MDFIC2: variants seen among roughly 807,000 people sequenced by gnomAD.
MDFIC2 encodes MyoD family inhibitor domain containing 2.
At chr3:70,217,696 T>C (rs1369534162) in intron 2 of MDFIC2, among the ~76,000 whole-genome samples, 2 of 152,170 alleles carry the variant, frequency 1.3e-5, no homozygotes, top group African/African-American at 4.8e-5. Context: ...CTGAAATCTC[T>C]TGCATGATAT....
chr3:70,283,185 G>C (rs1702106097), intron 2 of MDFIC2, among the ~76,000 whole-genome samples: 1 of 152,106 alleles, frequency 6.6e-6, no homozygotes, highest in South Asian at 2.1e-4. Context: ...CCTGTGGCAG[G>C]AGATGCCAGT....
chr3:70,299,928 C>T (rs1225882952), intron 2 of MDFIC2, among the ~76,000 whole-genome samples: 1 of 152,046 alleles, frequency 6.6e-6, no homozygotes, highest in Non-Finnish European at 1.5e-5. Context: ...CTCCCACACA[C>T]GCCCTTTCTC....
intron 2 of MDFIC2, among the ~76,000 whole-genome samples, chr3:70,304,084 C>T (rs1702377211): frequency 6.6e-6 from 1 of 152,040 alleles, no homozygotes; most frequent in Non-Finnish European, 1.5e-5. Context: ...ATTGCAATCC[C>T]AAATGTCAAC....
chr3:70,225,900 G>A (rs530386107), intron 2 of MDFIC2, among the ~76,000 whole-genome samples: 2 of 152,268 alleles, frequency 1.3e-5, no homozygotes, highest in African/African-American at 4.8e-5. Flanking sequence ...TAAGAATTAT[G>A]TTATCAAATC....
At chr3:70,218,353 A>C (rs1041823318) in intron 2 of MDFIC2, among the ~76,000 whole-genome samples, 1 of 152,152 alleles carries the variant, frequency 6.6e-6, no homozygotes. Context: ...GCATATAGGC[A>C]TGCATTAGGT....
chr3:70,308,506 T>G (rs1159207225), intron 2 of MDFIC2, among the ~76,000 whole-genome samples: 2 of 152,202 alleles, frequency 1.3e-5, no homozygotes, highest in African/African-American at 4.8e-5. Flanking sequence ...CAGCTCTGGC[T>G]GTGGCTTTCC....
chr3:70,281,564 G>T (rs1345048843), intron 2 of MDFIC2, among the ~76,000 whole-genome samples: 2 of 152,066 alleles, frequency 1.3e-5, no homozygotes, highest in Non-Finnish European at 2.9e-5. Context: ...CAGGGTAAAA[G>T]CTCAAAACAA....
intron 2 of MDFIC2, among the ~76,000 whole-genome samples, chr3:70,273,394 T>A (rs1030393540): frequency 6.6e-6 from 1 of 152,226 alleles, no homozygotes; most frequent in African/African-American, 2.4e-5. Flanking sequence ...AAGGGAAGTC[T>A]TAAAAGCTTC....
intron 2 of MDFIC2, among the ~76,000 whole-genome samples, chr3:70,276,895 G>A (rs1430732406): frequency 6.6e-6 from 1 of 152,044 alleles, no homozygotes; most frequent in African/African-American, 2.4e-5. Flanking sequence ...ACTCCAGAAA[G>A]TTTATGTTCT....
intron 2 of MDFIC2, among the ~76,000 whole-genome samples, chr3:70,266,937 G>T (rs567159979): frequency 1.2e-4 from 18 of 152,280 alleles, no homozygotes; most frequent in African/African-American, 3.9e-4. Context: ...TTAGATTATT[G>T]GAAATTTGTT....
chr3:70,231,299 C>G (rs997030150), intron 2 of MDFIC2, among the ~76,000 whole-genome samples: 16 of 152,144 alleles, frequency 1.1e-4, no homozygotes, highest in African/African-American at 3.9e-4. Flanking sequence ...CGCTCCTGCC[C>G]CTGCCTTTTC....
At chr3:70,278,648 G>A (rs983138443) in intron 2 of MDFIC2, among the ~76,000 whole-genome samples, 1 of 152,082 alleles carries the variant, frequency 6.6e-6, no homozygotes, top group African/African-American at 2.4e-5. Context: ...TCTAGAATAT[G>A]TCTTTTATGT....
chr3:70,221,108 C>T (rs1272215885), intron 2 of MDFIC2, among the ~76,000 whole-genome samples: 1 of 151,996 alleles, frequency 6.6e-6, no homozygotes, highest in Non-Finnish European at 1.5e-5. Flanking sequence ...AATTTTCAGA[C>T]GTGAAGTTCT....
At chr3:70,291,004 A>G (rs984772347) in intron 2 of MDFIC2, among the ~76,000 whole-genome samples, 1 of 152,190 alleles carries the variant, frequency 6.6e-6, no homozygotes, top group Non-Finnish European at 1.5e-5. Context: ...ATGGAAATGC[A>G]GAAATCACCG....
At chr3:70,197,584 G>A (rs1474739980) in intron 3 of MDFIC2, among the ~76,000 whole-genome samples, 2 of 152,230 alleles carry the variant, frequency 1.3e-5, no homozygotes, top group Non-Finnish European at 2.9e-5. Context: ...TAGGATTGGG[G>A]ACAAGGAGAG....
intron 2 of MDFIC2, among the ~76,000 whole-genome samples, chr3:70,268,474 CAAAAA>C (rs66482424): frequency 1.0e-5 from 1 of 96,612 alleles, no homozygotes; most frequent in South Asian, 3.7e-4. Context: ...GACTCCGTCT[CAAAAA>C]AAAAAAAAAA....
intron 2 of MDFIC2, among the ~76,000 whole-genome samples, chr3:70,269,444 T>C (rs1701954425): frequency 6.6e-6 from 1 of 152,194 alleles, no homozygotes; most frequent in South Asian, 2.1e-4. Context: ...GTTCTAACCA[T>C]GTTCAAGTAA....
At chr3:70,310,324 T>C (rs1702442711) in intron 2 of MDFIC2, among the ~76,000 whole-genome samples, 1 of 151,840 alleles carries the variant, frequency 6.6e-6, no homozygotes. Context: ...TCATCTTTTT[T>C]CTTTTTAAAA....
At chr3:70,273,177 A>C (rs1301802741) in intron 2 of MDFIC2, among the ~76,000 whole-genome samples, 2 of 152,284 alleles carry the variant, frequency 1.3e-5, no homozygotes, top group African/African-American at 2.4e-5. Context: ...GATCACTGAC[A>C]CTTGAAAGGT....
Sources: allele counts gnomAD v4.1 joint callset (sites outside exome capture counted in the v4.1 genomes callset), GRCh38; gene constraint gnomAD v4.1.1; transcripts MANE v1.5; gene names NCBI Gene and HGNC (gene_info 2026-07-23, HGNC 2026-07-21).